The following FOCAD variants were observed in gnomAD, a reference collection of about 807,000 sequenced individuals.
FOCAD encodes the protein focadhesin, also known as KIAA1797.
Under a neutral mutation model 225.6 loss-of-function variants are expected in FOCAD, and 198 were observed. That is an observed-to-expected ratio of 0.88 (90% confidence interval 0.78 to 0.99). The LOEUF (loss-of-function observed/expected upper bound fraction) is 0.99, where lower values mean the gene tolerates loss of function less well. Among genes scored for constraint, FOCAD ranks in the 50% least tolerant of loss-of-function variants. The probability of loss-of-function intolerance (pLI) is 0.00; values close to 1 mark genes in which losing one functional copy is unlikely to be tolerated. For synonymous variants in FOCAD, 897 were observed against 755.0 expected (o/e 1.19, Z -3.08); for missense variants, 2,713 against 2,123.6 (o/e 1.28, Z -5.46).
intron 22 of FOCAD, among the ~76,000 whole-genome samples, chr9:20,911,325 C>G (rs2132047246): frequency 6.6e-6 from 1 of 152,182 alleles, no homozygotes; most frequent in Admixed American, 6.5e-5. Flanking sequence ...TGGTGAGCCC[C>G]AGGGTATGGT....
intron 15 of FOCAD, among the ~76,000 whole-genome samples, chr9:20,851,047 T>G (rs1235225125): frequency 6.6e-6 from 1 of 151,470 alleles, no homozygotes; most frequent in Non-Finnish European, 1.5e-5. Context: ...ATAAAGAAGA[T>G]AAATAATTAG....
At chr9:20,925,613 A>G (rs1834863406) in intron 25 of FOCAD, among the ~76,000 whole-genome samples, 2 of 152,238 alleles carry the variant, frequency 1.3e-5, no homozygotes, top group Non-Finnish European at 2.9e-5. Context: ...GTTTGGTTCA[A>G]GGAATTACAA....
chr9:20,910,733 T>G (rs1197098033), intron 22 of FOCAD, among the ~76,000 whole-genome samples: 1 of 152,078 alleles, frequency 6.6e-6, no homozygotes, highest in Non-Finnish European at 1.5e-5. Context: ...TGAATGCTGC[T>G]GGATCTCTCT....
intron 23 of FOCAD, among the ~76,000 whole-genome samples, chr9:20,913,189 C>CAT (rs1833593591): frequency 6.8e-6 from 1 of 147,132 alleles, no homozygotes; most frequent in Non-Finnish European, 1.5e-5. Flanking sequence ...CACACACACA[C>CAT]GTTCTAAAAC....
chr9:20,761,853 C>T (rs1829633471), intron 6 of FOCAD, among the ~76,000 whole-genome samples: 3 of 151,918 alleles, frequency 2.0e-5, no homozygotes, highest in Non-Finnish European at 1.5e-5. Context: ...TTTTAAATCA[C>T]TTTGGGATTT....
At chr9:20,929,034 T>A (rs558890792) in intron 26 of FOCAD, 1 of 180,304 alleles carries the variant, frequency 5.5e-6, no homozygotes, top group Admixed American at 6.1e-5. Flanking sequence ...TTTTTTAATA[T>A]ATATACATGT....
intron 1 of FOCAD, among the ~76,000 whole-genome samples, chr9:20,697,182 A>G (rs1237100767): frequency 6.6e-6 from 1 of 152,170 alleles, no homozygotes. Context: ...TCTTCCCACT[A>G]TCTCTACTGC....
At chr9:20,798,881 C>G (rs1235536198) in intron 11 of FOCAD, among the ~76,000 whole-genome samples, 2 of 151,892 alleles carry the variant, frequency 1.3e-5, no homozygotes, top group Non-Finnish European at 2.9e-5. Context: ...TATTTCTTGC[C>G]TTTGCTAGCT....
chr9:20,735,905 G>C (rs1355660337), intron 4 of FOCAD, among the ~76,000 whole-genome samples: 1 of 151,734 alleles, frequency 6.6e-6, no homozygotes, highest in African/African-American at 2.4e-5. Context: ...CTCTTTCAAA[G>C]TATGTAATTC....
chr9:20,860,044 G>T (rs1238071122), intron 15 of FOCAD, among the ~76,000 whole-genome samples: 2 of 151,950 alleles, frequency 1.3e-5, no homozygotes, highest in Non-Finnish European at 1.5e-5. Flanking sequence ...CTTTACATGA[G>T]GAATTGTATG....
At chr9:20,757,267 A>T (rs889766588) in intron 5 of FOCAD, among the ~76,000 whole-genome samples, 1 of 152,248 alleles carries the variant, frequency 6.6e-6, no homozygotes, top group African/African-American at 2.4e-5. Context: ...GGAAAAAGCC[A>T]CATAAATAAT....
rs1352457325 is a variant in FOCAD at position 20,840,365 on chromosome 9, T to G, written c.1920+17250T>G. ...CTCATCAATGTTTTATAGCATTCAT[T>G]GTAGATCTCTTTTACTTCTTTGGTT... On this transcript the variant is annotated intron_variant, in intron 15 of 43. Coordinates refer to ENST00000338382, the MANE Select transcript of FOCAD (RefSeq NM_001375567.1). Among the ~76,000 whole-genome samples, 3 of 151,912 alleles carry G rather than the reference T, an allele frequency of 2.0e-5. No homozygotes were observed. The East Asian group carries it at 5.8e-4, about 29-fold the overall frequency.
intron 15 of FOCAD, among the ~76,000 whole-genome samples, chr9:20,842,335 G>A (rs1026069553): frequency 3.3e-5 from 5 of 151,786 alleles, no homozygotes; most frequent in African/African-American, 1.2e-4. Flanking sequence ...GCTGAAGGTG[G>A]GGTGTTGATG....
chr9:20,860,933 C>A (rs888465992), intron 15 of FOCAD, among the ~76,000 whole-genome samples: 14 of 152,318 alleles, frequency 9.2e-5, no homozygotes, highest in Non-Finnish European at 1.9e-4. Context: ...ATGCTGTGAT[C>A]TACCAGCCTT....
intron 2 of FOCAD, among the ~76,000 whole-genome samples, chr9:20,678,827 G>A (rs767840549): frequency 5.9e-5 from 9 of 152,122 alleles, no homozygotes; most frequent in African/African-American, 1.2e-4. Flanking sequence ...ATGTTACTGC[G>A]TCTCCCTTGT....
intron 25 of FOCAD, among the ~76,000 whole-genome samples, chr9:20,925,671 T>C (rs1224474721): frequency 6.6e-6 from 1 of 152,206 alleles, no homozygotes; most frequent in African/African-American, 2.4e-5. Flanking sequence ...ACATCCATGG[T>C]CATGAATGAC....
chr9:20,745,707 C>T (rs1388728632), intron 5 of FOCAD, among the ~76,000 whole-genome samples: 1 of 152,120 alleles, frequency 6.6e-6, no homozygotes, highest in African/African-American at 2.4e-5. Flanking sequence ...TTCTGATGTG[C>T]CAGACAGTGG....
chr9:20,887,384 G>A (rs1258010349), intron 21 of FOCAD, among the ~76,000 whole-genome samples: 4 of 151,842 alleles, frequency 2.6e-5, no homozygotes, highest in South Asian at 2.1e-4. Flanking sequence ...ACAGGCATGC[G>A]CCACCACGCC....
intron 15 of FOCAD, among the ~76,000 whole-genome samples, chr9:20,827,856 T>G (rs1825070579): frequency 6.6e-6 from 1 of 152,092 alleles, no homozygotes; most frequent in African/African-American, 2.4e-5. Context: ...TAAAATTTTA[T>G]TTTGTTAAAG....
Sources: gnomAD v4.1 joint callset for allele counts (sites outside exome capture counted in the v4.1 genomes callset) on GRCh38, gnomAD v4.1.1 for gene constraint, MANE v1.5 for transcripts, NCBI Gene and HGNC (gene_info 2026-07-23, HGNC 2026-07-21) for gene names.